The following SNX30 variants were observed in gnomAD, a reference collection of about 807,000 sequenced individuals.
SNX30 encodes sorting nexin-30.
A neutral mutation model predicts 46.4 loss-of-function variants in SNX30; 24 were observed. That is an observed-to-expected ratio of 0.52 (90% CI 0.37 to 0.73). SNX30 has a LOEUF of 0.73. Among genes scored for constraint, SNX30 ranks in the 30% least tolerant of loss-of-function variants. The pLI is 0.00. For synonymous variants in SNX30, 189 were observed against 211.5 expected (o/e 0.89, Z 0.92); for missense variants, 533 against 555.7 (o/e 0.96, Z 0.41).
At chr9:112,773,434 A>T (rs745892498) in intron 1 of SNX30, among the ~76,000 whole-genome samples, 29 of 152,078 alleles carry the variant, frequency 1.9e-4, no homozygotes, top group African/African-American at 5.3e-4. Context: ...TTGTCATTCA[A>T]GCTGGAGTGC....
chr9:112,769,001 A>T (rs1037252346), intron 1 of SNX30, among the ~76,000 whole-genome samples: 2 of 152,104 alleles, frequency 1.3e-5, no homozygotes, highest in African/African-American at 4.8e-5. Context: ...AGAATTCTCT[A>T]ATTCACTCAG....
chr9:112,857,692 A>C (rs1480641632), intron 7 of SNX30, among the ~76,000 whole-genome samples: 1 of 152,050 alleles, frequency 6.6e-6, no homozygotes, highest in African/African-American at 2.4e-5. Context: ...CAAGAAGGAG[A>C]CTTAAGTTGA....
chr9:112,830,618 A>G lies in SNX30; in HGVS notation c.460-107A>G. 3.9e-6 allele frequency: 4 copies of G among 1,025,674 alleles called. No homozygotes were observed. In the South Asian group the frequency reaches 7.2e-5, roughly 18 times the overall value. 63.5% of individuals were successfully genotyped at this position (1,025,674 alleles called of 1,614,324 possible). ...CTACATGAAGATCTGCCTGATTAAG[A>G]AATACTTTTCTTGGATAGAGGGGTA... On this transcript the variant is annotated intron_variant, in intron 3 of 8. Transcript: ENST00000374232.
At chr9:112,809,108 A>G (rs1394477566) in intron 2 of SNX30, among the ~76,000 whole-genome samples, 2 of 140,682 alleles carry the variant, frequency 1.4e-5, no homozygotes, top group Non-Finnish European at 3.1e-5. Flanking sequence ...TTTTTTTTTG[A>G]CAGAGTCTTG....
rs753500635 is a variant in SNX30 at position 112,804,914 on chromosome 9, A to G, written c.295A>G (p.Lys99Glu). 15 of 1,613,756 alleles carry G rather than the reference A, an allele frequency of 9.3e-6. No homozygotes were observed. Among genetic ancestry groups the G allele is most frequent in the African/African-American group, 1.3e-5 (1 of 74,886 alleles). ...RDLFVIVDDP[K>E]KHVCTMETYI... ...TCTCTTCGTTATAGTTGATGATCCC[A>G]AGAAGCATGTGTGTACAATGGAGAC... The change falls in exon 2 of 9, where the codon AAG becomes GAG. Residue 99 changes from lysine to glutamate, a missense_variant. Around this residue, in one of 3 missense-constraint regions of SNX30, gnomAD observed 191 missense variants for 160.3 expected, o/e 1.19. Coordinates refer to ENST00000374232, the MANE Select transcript of SNX30 (RefSeq NM_001012994.2).
rs768619658 is a variant in SNX30 at position 112,817,790 on chromosome 9, A to G, written c.434A>G (p.Glu145Gly). ...DFDWLRSKLE[E>G]SQPTHLIPPL... The stretch of plus-strand genomic sequence containing the variant: ...GACTGGTTGAGGAGCAAACTGGAAG[A>G]ATCCCAGCCCACTCATCTCATTCCC... The change falls in exon 3 of 9, where the codon GAA becomes GGA. Residue 145 changes from glutamate to glycine, a missense_variant. Transcript: ENST00000374232. The G allele has an allele frequency of 6.2e-7, 1 of 1,613,430 alleles. No homozygotes were observed. The highest frequency in any genetic ancestry group is 1.1e-5 in the South Asian group (1 of 91,074).
intron 1 of SNX30, among the ~76,000 whole-genome samples, chr9:112,769,066 C>T (rs1447168095): frequency 6.6e-6 from 1 of 152,158 alleles, no homozygotes; most frequent in African/African-American, 2.4e-5. Flanking sequence ...CAGCCTTGCC[C>T]AGTAGGTGTA....
At position 112,839,074 on chromosome 9, in the gene SNX30, A is replaced by G. The variant is rs190517374; in HGVS notation, c.1014+377A>G. Among the ~76,000 whole-genome samples the G allele has an allele frequency of 2.8e-3, 425 of 152,370 alleles. 4 individuals are homozygous for G. Among genetic ancestry groups the G allele is most frequent in the African/African-American group, 9.8e-3 (408 of 41,596 alleles). On this transcript the variant is annotated intron_variant, in intron 6 of 8. Transcript: ENST00000374232. ...GGTGAAATTGAAGAAATCTTAAAGT[A>G]AGACAAAACAAAAGTTGCTGGAAAA...
At chr9:112,767,795 TC>T (rs1839570846) in intron 1 of SNX30, among the ~76,000 whole-genome samples, 1 of 152,074 alleles carries the variant, frequency 6.6e-6, no homozygotes, top group Non-Finnish European at 1.5e-5. Context: ...AGACAGGGTT[TC>T]CCTATGTTGT....
At chr9:112,866,577 A>T (rs1841348005) in intron 8 of SNX30, 1 of 468,934 alleles carries the variant, frequency 2.1e-6, no homozygotes, top group African/African-American at 2.0e-5. Context: ...GGTGGGCTTC[A>T]GAGTTTAGCT....
chr9:112,866,126 A>G (rs1412468146), intron 8 of SNX30, among the ~76,000 whole-genome samples: 1 of 152,182 alleles, frequency 6.6e-6, no homozygotes, highest in Non-Finnish European at 1.5e-5. Context: ...GCTGTGTGCA[A>G]GGGGCAGTGT....
At position 112,804,904 on chromosome 9, in the gene SNX30, T is replaced by G. The variant is rs1891402; in HGVS notation, c.285T>G (p.Val95=). 9 of 1,613,708 alleles carry G rather than the reference T, an allele frequency of 5.6e-6. No individual in the cohort carries two copies. Among genetic ancestry groups the G allele is most frequent in the Non-Finnish European group, 7.6e-6 (9 of 1,179,800 alleles). ...AGACTAGAGATCTCTTCGTTATAGT[T>G]GATGATCCCAAGAAGCATGTGTGTA... The part of the protein sequence containing the change: ...DGETRDLFVI[V]DDPKKHVCTM... Residue 95 remains valine (V), a synonymous_variant, in exon 2 of 9, where the codon GTT becomes GTG. Transcript: ENST00000374232.
chr9:112,858,295 G>A (rs982937296), intron 7 of SNX30, among the ~76,000 whole-genome samples: 2 of 152,206 alleles, frequency 1.3e-5, no homozygotes, highest in East Asian at 1.9e-4. Flanking sequence ...CAGGAAGATC[G>A]CCTGAGCTCA....
chr9:112,863,567 A>G (rs1189630500), intron 7 of SNX30, among the ~76,000 whole-genome samples: 1 of 152,234 alleles, frequency 6.6e-6, no homozygotes, highest in African/African-American at 2.4e-5. Context: ...AGCCTGCTGT[A>G]TATTTCTTCT....
rs1050167748 is a variant in SNX30 at position 112,784,754 on chromosome 9, T to A, written c.157-20022T>A. Reference sequence around the variant, plus strand: ...CTCATAGCTGGTAGGAGAACTAGAATCTAAACCCGGGTCTCTTGCCATCCT... The same window carrying A: ...CTCATAGCTGGTAGGAGAACTAGAAACTAAACCCGGGTCTCTTGCCATCCT... On this transcript the variant is annotated intron_variant, in intron 1 of 8. Transcript: ENST00000374232. Among the ~76,000 whole-genome samples the A allele has an allele frequency of 3.3e-5, 5 of 152,274 alleles. No individual in the cohort carries two copies. In the East Asian group the frequency reaches 9.6e-4, roughly 29 times the overall value.
At chr9:112,776,786 C>T (rs1181490451) in intron 1 of SNX30, among the ~76,000 whole-genome samples, 1 of 152,194 alleles carries the variant, frequency 6.6e-6, no homozygotes, top group Non-Finnish European at 1.5e-5. Flanking sequence ...AGGCAGGCCT[C>T]CTTTCAGGAT....
intron 1 of SNX30, among the ~76,000 whole-genome samples, chr9:112,775,586 GTA>G (rs1491367649): frequency 2.1e-5 from 3 of 142,536 alleles, no homozygotes; most frequent in African/African-American, 7.7e-5. Context: ...GTGTGTGTGT[GTA>G]GGCAATGCAT....
At chr9:112,861,988 A>G (rs1315999443) in intron 7 of SNX30, among the ~76,000 whole-genome samples, 1 of 152,086 alleles carries the variant, frequency 6.6e-6, no homozygotes, top group East Asian at 1.9e-4. Flanking sequence ...TCCCAACTAG[A>G]CTGTAGGTTA....
At chr9:112,791,046 TTTA>T (rs1361158336) in intron 1 of SNX30, among the ~76,000 whole-genome samples, 2 of 152,204 alleles carry the variant, frequency 1.3e-5, no homozygotes, top group African/African-American at 4.8e-5. Flanking sequence ...TTTTTATTGT[TTTA>T]TTGTTATTGG....
Sources: allele counts gnomAD v4.1 joint callset (sites outside exome capture counted in the v4.1 genomes callset), GRCh38; gene constraint gnomAD v4.1.1; regional missense constraint gnomAD v4.1.1; transcripts MANE v1.5; gene names NCBI Gene and HGNC (gene_info 2026-07-23, HGNC 2026-07-21).